Variants in CRYL1 observed in about 807,000 individuals in gnomAD.
CRYL1 encodes the protein crystallin lambda 1.
In CRYL1, 29 loss-of-function variants were observed where a neutral mutation model predicts 36.6. That is an observed-to-expected ratio of 0.79 (90% CI 0.59 to 1.08). The LOEUF (loss-of-function observed/expected upper bound fraction) is 1.08. CRYL1 is among the 50% of genes least tolerant of loss of function. The pLI, the probability that CRYL1 is intolerant of heterozygous loss-of-function variation, is 0.00. For missense variants in CRYL1, 411 were observed against 407.9 expected (o/e 1.01, Z -0.06); for synonymous variants, 152 against 151.5 (o/e 1.00, Z -0.02).
intron 2 of CRYL1, among the ~76,000 whole-genome samples, chr13:20,508,700 T>A (rs1214153735): frequency 1.3e-5 from 2 of 150,994 alleles, no homozygotes; most frequent in African/African-American, 4.9e-5. Flanking sequence ...CAAAAAAAAA[T>A]TAGCCGGGCG....
intron 2 of CRYL1, among the ~76,000 whole-genome samples, chr13:20,495,825 T>A (rs2033595607): frequency 1.3e-5 from 2 of 152,220 alleles, no homozygotes; most frequent in Non-Finnish European, 2.9e-5. Context: ...GGAAGTCCTG[T>A]CATATGTCAT....
rs1023632034 is a variant in CRYL1, at chr13:20,525,851, G to T, written c.-57C>A. 1.7e-6 allele frequency: 2 copies of T among 1,195,114 alleles called. No individual in the cohort carries two copies. Among genetic ancestry groups the T allele is most frequent in the African/African-American group, 1.6e-5 (1 of 62,958 alleles). The allele number at this position is 1,195,114 out of a possible 1,614,324, so 74.0% of individuals were successfully genotyped here. On this transcript the variant is annotated 5_prime_UTR_variant, in exon 1 of 8. Transcript: ENST00000298248. The surrounding 1 kb of genome is among the most constrained non-coding windows in gnomAD (Gnocchi z 4.3). ...TGGGACCAGGCGCCGGCGGAGCTGCGAGCTCTGGGCTCCGGGGAGGGCGGG... is the reference window on the plus strand; with the variant it reads ...TGGGACCAGGCGCCGGCGGAGCTGCTAGCTCTGGGCTCCGGGGAGGGCGGG...
intron 3 of CRYL1, among the ~76,000 whole-genome samples, chr13:20,475,602 C>G (rs2033150467): frequency 6.6e-6 from 1 of 152,014 alleles, no homozygotes; most frequent in Admixed American, 6.6e-5. Flanking sequence ...TGGCACAGGA[C>G]CTGGTCCATG....
intron 3 of CRYL1, among the ~76,000 whole-genome samples, chr13:20,455,399 A>G (rs2032661167): frequency 6.6e-6 from 1 of 152,092 alleles, no homozygotes; most frequent in Non-Finnish European, 1.5e-5. Flanking sequence ...CTCAAGTTAT[A>G]CCATAATCAT....
intron 2 of CRYL1, among the ~76,000 whole-genome samples, chr13:20,505,115 G>A (rs1312365191): frequency 6.6e-6 from 1 of 152,088 alleles, no homozygotes; most frequent in East Asian, 1.9e-4. Flanking sequence ...GAGCACTTTG[G>A]GAGACCAAGG....
At chr13:20,457,492 T>A (rs2032716042) in intron 3 of CRYL1, among the ~76,000 whole-genome samples, 1 of 152,190 alleles carries the variant, frequency 6.6e-6, no homozygotes, top group Admixed American at 6.5e-5. Flanking sequence ...AATCAATAAC[T>A]GATGTGGAAA....
chr13:20,492,391 C>T (rs1464335532), intron 2 of CRYL1, among the ~76,000 whole-genome samples: 1 of 152,182 alleles, frequency 6.6e-6, no homozygotes, highest in Non-Finnish European at 1.5e-5. Context: ...GTGGCTTAAA[C>T]AATACAAATG....
intron 1 of CRYL1, among the ~76,000 whole-genome samples, chr13:20,523,247 C>T (rs1268207478): frequency 6.6e-6 from 1 of 152,024 alleles, no homozygotes; most frequent in Admixed American, 6.6e-5. Context: ...GTTATCACTA[C>T]CAGATTTTCC....
chr13:20,506,311 G>A (rs1186087749), intron 2 of CRYL1, among the ~76,000 whole-genome samples: 1 of 152,146 alleles, frequency 6.6e-6, no homozygotes, highest in Non-Finnish European at 1.5e-5. Flanking sequence ...ACTGAGGAAA[G>A]ATTTGTATGT....
intron 3 of CRYL1, among the ~76,000 whole-genome samples, chr13:20,443,294 C>T (rs981704841): frequency 1.3e-5 from 2 of 152,170 alleles, no homozygotes; most frequent in Non-Finnish European, 2.9e-5. Flanking sequence ...GCTTATGCAA[C>T]ATACATTTTC....
chr13:20,420,701 T>TTTTGTGTGTGTG lies in CRYL1; in HGVS notation c.634-7315_634-7314insCACACACACAAA. Reference sequence around the variant, plus strand: ...CTTTGACTTTTCTTTAAAATAGAGGTTGTGTGTGTGTGTGTGTGTGTGTGT... The same window carrying TTTTGTGTGTGTG: ...CTTTGACTTTTCTTTAAAATAGAGGTTTTGTGTGTGTGTGTGTGTGTGTGTGTGTGTGTGTGT... On this transcript the variant is annotated intron_variant, in intron 5 of 7. Coordinates refer to ENST00000298248, the MANE Select transcript of CRYL1 (RefSeq NM_015974.3). Among the ~76,000 whole-genome samples, 45 of 21,874 alleles carry TTTTGTGTGTGTG rather than the reference T, an allele frequency of 2.1e-3. 7 individuals are homozygous for TTTTGTGTGTGTG. The highest frequency in any genetic ancestry group is 4.7e-3 in the African/African-American group (45 of 9,520). The allele number at this position is 21,874 out of a possible 152,430, so 14.4% of individuals were successfully genotyped here. A position where few individuals can be genotyped will look rare whatever the true frequency, so the allele number is the denominator to read the frequency against.
intron 1 of CRYL1, among the ~76,000 whole-genome samples, chr13:20,522,312 T>A (rs1360230834): frequency 6.6e-6 from 1 of 151,666 alleles, no homozygotes; most frequent in Non-Finnish European, 1.5e-5. Context: ...ATGGTGCCAC[T>A]GCACTTCAGC....
chr13:20,413,509 T>TG (rs2031576665), intron 5 of CRYL1, 122 bp from the exon 6 acceptor site: 2 of 605,032 alleles, frequency 3.3e-6, no homozygotes, highest in Admixed American at 6.5e-5. Flanking sequence ...CTATACAGGG[T>TG]GAGTACCACT....
At position 20,435,269 on chromosome 13, in the gene CRYL1, T is replaced by G. The variant is rs190102863; in HGVS notation, c.439-2973A>C. On this transcript the variant is annotated intron_variant, in intron 4 of 7. Coordinates refer to ENST00000298248, the MANE Select transcript of CRYL1 (RefSeq NM_015974.3). This position sits in a 1 kb window ranked among gnomAD's most constrained non-coding sequence, Gnocchi z 4.0. ...ATTTTAAAAGTAAAAAACAGGACTTTGATCATGCCTTCTCCAACGAAAAAT... is the reference window on the plus strand; with the variant it reads ...ATTTTAAAAGTAAAAAACAGGACTTGGATCATGCCTTCTCCAACGAAAAAT... 7.2e-5 allele frequency among the ~76,000 whole-genome samples: 11 copies of G among 152,348 alleles called. No homozygotes were observed. Among genetic ancestry groups the G allele is most frequent in the Admixed American group, 7.2e-4 (11 of 15,304 alleles).
At chr13:20,504,300 TTC>T (rs2033754239) in intron 2 of CRYL1, among the ~76,000 whole-genome samples, 2 of 149,534 alleles carry the variant, frequency 1.3e-5, no homozygotes, top group Admixed American at 1.3e-4. Flanking sequence ...TTCTTTTCTT[TTC>T]TTTTTTTTTT....
chr13:20,481,744 C>CT lies in CRYL1; in HGVS notation c.276+7625dup, dbSNP rs1014936653. Among the ~76,000 whole-genome samples, 4 of 152,074 alleles carry CT rather than the reference C, an allele frequency of 2.6e-5. No homozygotes were observed. Among genetic ancestry groups the CT allele is most frequent in the Non-Finnish European group, 5.9e-5 (4 of 68,012 alleles). On this transcript the variant is annotated intron_variant, in intron 3 of 7. Transcript: ENST00000298248. This position sits in a 1 kb window ranked among gnomAD's most constrained non-coding sequence, Gnocchi z 4.1. ...TGGCCAACATGATGAAACCCCGTCT[C>CT]TACTAAAAATACAAAACTTAGCCCG... is the stretch of plus-strand genomic sequence containing the variant.
At chr13:20,515,298 G>A (rs756601215) in intron 1 of CRYL1, among the ~76,000 whole-genome samples, 8 of 152,132 alleles carry the variant, frequency 5.3e-5, no homozygotes, top group Admixed American at 3.3e-4. Flanking sequence ...TAAAACCACT[G>A]AATTGTACAC....
rs868034626 is a variant in CRYL1, at chr13:20,512,202, G to A, written c.149+241C>T. Among the ~76,000 whole-genome samples the A allele has an allele frequency of 1.8e-4, 27 of 152,372 alleles. 1 individual carries two copies. The highest frequency in any genetic ancestry group is 5.5e-4 in the African/African-American group (23 of 41,598). ...TGGAGAAGCCTGCAAAGTCACTCACGCTTGATGCAGATCCTCTTAGCAAGA... is the reference window on the plus strand; with the variant it reads ...TGGAGAAGCCTGCAAAGTCACTCACACTTGATGCAGATCCTCTTAGCAAGA... On this transcript the variant is annotated intron_variant, in intron 2 of 7. Transcript: ENST00000298248.
intron 3 of CRYL1, among the ~76,000 whole-genome samples, chr13:20,474,647 C>T (rs1302777661): frequency 6.6e-6 from 1 of 152,144 alleles, no homozygotes; most frequent in Non-Finnish European, 1.5e-5. Context: ...TAAAATGCTC[C>T]TGGCCCCTCA....
Sources: gnomAD v4.1 joint callset for allele counts (sites outside exome capture counted in the v4.1 genomes callset) on GRCh38, gnomAD v4.1.1 for gene constraint, Gnocchi (gnomAD v3.1) non-coding constraint, MANE v1.5 for transcripts, NCBI Gene and HGNC (gene_info 2026-07-23, HGNC 2026-07-21) for gene names.